DGKI: variants seen among roughly 807,000 people sequenced by gnomAD.
DGKI encodes diacylglycerol kinase iota.
DGKI carries 55 observed loss-of-function variants against 147.5 expected under a neutral mutation model. The ratio of observed to expected loss-of-function variants is 0.37; its 90% CI spans 0.30 to 0.47. DGKI has a LOEUF of 0.47. Among genes scored for constraint, DGKI ranks in the 20% least tolerant of loss-of-function variants. The probability of loss-of-function intolerance (pLI) is 1.00; values close to 1 mark genes in which losing one functional copy is unlikely to be tolerated. For missense variants in DGKI, 1,007 were observed against 1,323.8 expected, an observed-to-expected ratio of 0.76 and a Z score of 3.71; for synonymous variants, 469 against 477.1, an observed-to-expected ratio of 0.98 and a Z score of 0.22.
chr7:137,708,113 A>AC (rs1429511818), intron 1 of DGKI, among the ~76,000 whole-genome samples: 3 of 152,270 alleles, frequency 2.0e-5, no homozygotes, highest in East Asian at 3.9e-4. Flanking sequence ...GCAGTACCCC[A>AC]CTAAGATGTC....
At chr7:137,544,306 A>G (rs1817796803) in intron 20 of DGKI, among the ~76,000 whole-genome samples, 1 of 152,190 alleles carries the variant, frequency 6.6e-6, no homozygotes, top group Admixed American at 6.5e-5. Context: ...TAATGATCAC[A>G]TGCAGCCACT....
chr7:137,658,995 T>C (rs1324951776), intron 3 of DGKI, among the ~76,000 whole-genome samples: 1 of 152,242 alleles, frequency 6.6e-6, no homozygotes, highest in African/African-American at 2.4e-5. Flanking sequence ...TAAAATATAT[T>C]ATGAACTTAT....
chr7:137,519,084 A>G (rs1816875496), intron 21 of DGKI, among the ~76,000 whole-genome samples: 1 of 152,058 alleles, frequency 6.6e-6, no homozygotes. Context: ...TCTGAAATTT[A>G]CCAGCAAGAG....
At chr7:137,773,268 C>T (rs765920629) in intron 1 of DGKI, among the ~76,000 whole-genome samples, 6 of 152,020 alleles carry the variant, frequency 3.9e-5, no homozygotes, top group African/African-American at 9.7e-5. Context: ...ACGTATAGCA[C>T]GGAAGGGTAG....
At chr7:137,623,784 G>C (rs1030901196) in intron 6 of DGKI, among the ~76,000 whole-genome samples, 12 of 152,110 alleles carry the variant, frequency 7.9e-5, no homozygotes, top group African/African-American at 2.9e-4. Flanking sequence ...GGAGGTGCTG[G>C]TATTTCCTAG....
rs149516938 is a variant in DGKI, at chr7:137,599,900, G to T, written c.1173C>A (p.Thr391=). 4.3e-6 allele frequency: 7 copies of T among 1,611,508 alleles called. No homozygotes were observed. The highest frequency in any genetic ancestry group is 5.9e-6 in the Non-Finnish European group (7 of 1,178,060). The change falls in exon 11 of 33, where the codon ACC becomes ACA. Residue 391 remains threonine, a synonymous_variant. Coordinates refer to ENST00000614521, the MANE Select transcript of DGKI (RefSeq NM_001321708.2). ...ACCACATGAACATCTGCAGGACTTT[G>T]GTTCCCTGTAAAAAATAAATACACA... ...VNPKSGGNQG[T]KVLQMFMWYL... is the part of the protein sequence containing the mutation.
chr7:137,811,402 A>T (rs1204853557), intron 1 of DGKI, among the ~76,000 whole-genome samples: 4 of 151,416 alleles, frequency 2.6e-5, no homozygotes, highest in Non-Finnish European at 5.9e-5. Flanking sequence ...ACACACACAC[A>T]CACACACACA....
chr7:137,709,200 T>C (rs1794142582), intron 1 of DGKI, among the ~76,000 whole-genome samples: 1 of 152,158 alleles, frequency 6.6e-6, no homozygotes, highest in Non-Finnish European at 1.5e-5. Flanking sequence ...ATAATGAACA[T>C]CTACTCTTAA....
At chr7:137,556,986 A>G (rs886396351) in intron 19 of DGKI, among the ~76,000 whole-genome samples, 1 of 151,608 alleles carries the variant, frequency 6.6e-6, no homozygotes, top group Non-Finnish European at 1.5e-5. Context: ...CTCTAAAAAG[A>G]AAAAAGAAGA....
chr7:137,827,419 A>G (rs1357374311), intron 1 of DGKI, among the ~76,000 whole-genome samples: 1 of 152,090 alleles, frequency 6.6e-6, no homozygotes, highest in African/African-American at 2.4e-5. Context: ...CACCATTCAC[A>G]CTGCTGCACA....
At position 137,547,817 on chromosome 7, in the gene DGKI, A is replaced by G. The variant is rs1269227451; in HGVS notation, c.2147+4552T>C. Among the ~76,000 whole-genome samples the G allele has an allele frequency of 2.6e-4, 39 of 152,250 alleles. 1 individual carries two copies. Among genetic ancestry groups the G allele is most frequent in the Admixed American group, 2.5e-3 (38 of 15,290 alleles). On this transcript the variant is annotated intron_variant, in intron 20 of 32. Transcript: ENST00000614521. ...TGAAACACGTAAAGGTACATCTAAC[A>G]GCTAGAAGTAGACAGAAAAGGCTTA...
chr7:137,417,818 C>G (rs1812415029), intron 28 of DGKI, among the ~76,000 whole-genome samples: 1 of 152,184 alleles, frequency 6.6e-6, no homozygotes, highest in Non-Finnish European at 1.5e-5. Flanking sequence ...TGTGAGGACA[C>G]AGTTTTCATT....
At position 137,572,917 on chromosome 7, in the gene DGKI, T is replaced by C. The variant is rs1311585761; in HGVS notation, c.1762-79A>G. ...CTATGAAAGATAACTAGTTTGACAA[T>C]AGTACACACCATGGTCTCTTTCTCC... On this transcript the variant is annotated intron_variant, in intron 17 of 32. Transcript: ENST00000614521. 11 of 965,328 alleles carry C rather than the reference T, an allele frequency of 1.1e-5. No individual in the cohort carries two copies. In the East Asian group the frequency reaches 1.9e-4, roughly 17 times the overall value. The allele number at this position is 965,328 out of a possible 1,614,324, so 59.8% of individuals were successfully genotyped here.
intron 6 of DGKI, among the ~76,000 whole-genome samples, chr7:137,635,515 C>T (rs560929747): frequency 9.2e-5 from 14 of 152,204 alleles, no homozygotes; most frequent in Non-Finnish European, 1.9e-4. Context: ...AATGTGTGAC[C>T]CACGAACATA....
At chr7:137,602,818 T>C (rs1820040615) in intron 10 of DGKI, among the ~76,000 whole-genome samples, 1 of 152,042 alleles carries the variant, frequency 6.6e-6, no homozygotes, top group African/African-American at 2.4e-5. Context: ...TCTCCAGCAC[T>C]CTCATAGTTA....
intron 1 of DGKI, among the ~76,000 whole-genome samples, chr7:137,817,004 G>A (rs1797757091): frequency 6.6e-6 from 1 of 152,112 alleles, no homozygotes; most frequent in Non-Finnish European, 1.5e-5. Flanking sequence ...CTCCCTCACT[G>A]AATAGCAACA....
At chr7:137,422,745 C>T (rs1022570239) in intron 28 of DGKI, among the ~76,000 whole-genome samples, 10 of 151,678 alleles carry the variant, frequency 6.6e-5, no homozygotes, top group African/African-American at 2.4e-4. Context: ...GCTGGGACTA[C>T]AGGCGCCCGC....
intron 1 of DGKI, among the ~76,000 whole-genome samples, chr7:137,723,671 C>T (rs1392695382): frequency 7.1e-6 from 1 of 141,234 alleles, no homozygotes; most frequent in Non-Finnish European, 1.5e-5. Context: ...GCAAGGGATG[C>T]TGATTTTGAT....
At chr7:137,516,163 T>A (rs901847442) in intron 21 of DGKI, among the ~76,000 whole-genome samples, 2 of 152,122 alleles carry the variant, frequency 1.3e-5, no homozygotes, top group African/African-American at 2.4e-5. Flanking sequence ...TCAGTGTTTT[T>A]AGCAAACTCT....
Sources: gnomAD v4.1 joint callset for allele counts (sites outside exome capture counted in the v4.1 genomes callset) on GRCh38, gnomAD v4.1.1 for gene constraint, MANE v1.5 for transcripts, NCBI Gene and HGNC (gene_info 2026-07-23, HGNC 2026-07-21) for gene names.